The following SMPX variants were observed in gnomAD, a reference collection of about 807,000 sequenced individuals.
SMPX encodes the protein small muscular protein.
Under a neutral mutation model 6.3 loss-of-function variants are expected in SMPX, and 2 were observed. The observed-to-expected ratio is 0.32, with a 90% confidence interval of 0.13 to 0.99. SMPX has a LOEUF of 0.99. SMPX is among the 50% of genes least tolerant of loss of function. The pLI is 0.49. For missense variants in SMPX, 60 were observed against 66.8 expected (o/e 0.90, Z 0.36); for synonymous variants, 32 against 24.7 (o/e 1.30, Z -0.88).
rs1569307051 is a variant in SMPX, at chrX:21,733,879, C to G, written c.*14+3670G>C. 1.9e-5 allele frequency: 5 copies of G among 259,677 alleles called. No homozygotes were observed. The East Asian group carries it at 4.3e-4, about 22-fold the overall frequency. 21.4% of individuals were successfully genotyped at this position (259,677 alleles called of 1,213,427 possible). A position where few individuals can be genotyped will look rare whatever the true frequency, so the allele number is the denominator to read the frequency against. ...CTCACTAGACTGGTCTAATTATTAA[C>G]AATACCCTGGACACTCCATTTGTCC... On this transcript the variant is annotated intron_variant, in intron 4 of 4. Transcript: ENST00000379494.
chrX:21,745,551 T>A (rs1470393138), intron 2 of SMPX, among the ~76,000 whole-genome samples: 2 of 111,883 alleles, frequency 1.8e-5, no homozygotes, highest in Non-Finnish European at 3.8e-5. Context: ...GGATGAAATA[T>A]CATAGGGGCC....
chrX:21,720,554 C>T (rs2092790612), intron 4 of SMPX, among the ~76,000 whole-genome samples: 1 of 112,748 alleles, frequency 8.9e-6, no homozygotes, highest in South Asian at 3.7e-4. Context: ...ATACAGCTGC[C>T]TTAGCCCAAG....
chrX:21,725,665 T>C (rs1244715911), intron 4 of SMPX, among the ~76,000 whole-genome samples: 1 of 112,276 alleles, frequency 8.9e-6, no homozygotes, highest in Admixed American at 9.4e-5. Flanking sequence ...AAACTGGAAC[T>C]GCAATGCCTC....
chrX:21,735,510 ATT>A (rs201567486), intron 4 of SMPX, among the ~76,000 whole-genome samples: 2 of 111,011 alleles, frequency 1.8e-5, no homozygotes, highest in Non-Finnish European at 3.8e-5. Context: ...CATTTTCAAT[ATT>A]TGATTGAGTT....
chrX:21,745,470 A>C (rs2092820429), intron 2 of SMPX, among the ~76,000 whole-genome samples: 1 of 111,986 alleles, frequency 8.9e-6, no homozygotes, highest in African/African-American at 3.2e-5. Context: ...CTACAATTTT[A>C]GTTGGCACAT....
chrX:21,753,275 G>C (rs751051979), intron 2 of SMPX, among the ~76,000 whole-genome samples: 1 of 111,655 alleles, frequency 9.0e-6, no homozygotes, highest in Non-Finnish European at 1.9e-5. Context: ...TATTAGTCGT[G>C]ACAGGTAAAG....
At chrX:21,751,506 C>G (rs940705123) in intron 2 of SMPX, among the ~76,000 whole-genome samples, 1 of 112,103 alleles carries the variant, frequency 8.9e-6, no homozygotes, top group South Asian at 3.7e-4. Flanking sequence ...ACTAATTCTT[C>G]TCTTGATAGA....
rs747123979 is a variant in SMPX, at chrX:21,757,944, G to A, written c.-15C>T. On this transcript the variant is annotated splice_region_variant and 5_prime_UTR_variant, in exon 1 of 5. Transcript: ENST00000379494. The stretch of plus-strand genomic sequence containing the variant: ...CGGAGCTGCGTCCTTCTGCTTACCT[G>A]CTTTATGTATTTGTTTACTGCCTAA... The A allele has an allele frequency of 1.4e-4, 45 of 327,408 alleles. No individual in the cohort carries two copies. Among genetic ancestry groups the A allele is most frequent in the East Asian group, 9.8e-5 (1 of 10,233 alleles). The allele number at this position is 327,408 out of a possible 1,213,427, so 27.0% of individuals were successfully genotyped here. A position where few individuals can be genotyped will look rare whatever the true frequency, so the allele number is the denominator to read the frequency against.
At chrX:21,750,203 A>C (rs1303652882) in intron 2 of SMPX, among the ~76,000 whole-genome samples, 2 of 111,510 alleles carry the variant, frequency 1.8e-5, no homozygotes, top group East Asian at 5.6e-4. Context: ...AGCTTTCCCC[A>C]CCACCTGTCA....
In SMPX at chrX:21,706,170, A is replaced by T. The variant is rs2092772655; in HGVS notation, c.*239T>A. The T allele has an allele frequency of 3.9e-6, 2 of 511,456 alleles. No individual in the cohort carries two copies. The highest frequency in any genetic ancestry group is 7.2e-5 in the East Asian group (2 of 27,641). The allele number at this position is 511,456 out of a possible 1,213,427, so 42.1% of individuals were successfully genotyped here. A position where few individuals can be genotyped will look rare whatever the true frequency, so the allele number is the denominator to read the frequency against. On this transcript the variant is annotated 3_prime_UTR_variant, in exon 5 of 5. Transcript: ENST00000379494. Reference sequence around the variant, plus strand: ...AAATCATATCCCTCCTCAAAACCACACCCTCCAGGTGTTGAATTTATGGGC... The same window carrying T: ...AAATCATATCCCTCCTCAAAACCACTCCCTCCAGGTGTTGAATTTATGGGC...
chrX:21,706,836 G>A (rs1269627604), intron 4 of SMPX, among the ~76,000 whole-genome samples: 4 of 109,858 alleles, frequency 3.6e-5, no homozygotes, highest in South Asian at 8.0e-4. Flanking sequence ...GCTTTCCCCC[G>A]TTTTGCTCTG....
intron 2 of SMPX, among the ~76,000 whole-genome samples, chrX:21,747,487 T>C (rs1441186893): frequency 8.9e-6 from 1 of 111,889 alleles, no homozygotes; most frequent in South Asian, 3.7e-4. Flanking sequence ...AAGAATTCCC[T>C]GTAAATTAAT....
intron 3 of SMPX, among the ~76,000 whole-genome samples, chrX:21,738,754 A>G (rs187097944): frequency 2.2e-3 from 246 of 111,183 alleles, no homozygotes; most frequent in Middle Eastern, 0.014. Flanking sequence ...AGGAATTCTA[A>G]GGCGGGCCCA....
chrX:21,715,196 G>A (rs939841151), intron 4 of SMPX, among the ~76,000 whole-genome samples: 3 of 111,220 alleles, frequency 2.7e-5, no homozygotes, highest in African/African-American at 9.8e-5. Flanking sequence ...TTTATGGAAA[G>A]GAAGAAAGCA....
chrX:21,717,538 C>T (rs992525298), intron 4 of SMPX, among the ~76,000 whole-genome samples: 2 of 112,539 alleles, frequency 1.8e-5, no homozygotes, highest in African/African-American at 6.5e-5. Flanking sequence ...CTTAAATGGT[C>T]TTAAAAGTGG....
At chrX:21,746,392 ACT>A (rs1474020686) in intron 2 of SMPX, among the ~76,000 whole-genome samples, 3 of 111,273 alleles carry the variant, frequency 2.7e-5, no homozygotes, top group African/African-American at 9.8e-5. Context: ...AGACCTTCTC[ACT>A]CTCTCAAACC....
chrX:21,754,930 A>C (rs1307171496), intron 1 of SMPX, among the ~76,000 whole-genome samples: 1 of 112,602 alleles, frequency 8.9e-6, no homozygotes, highest in Non-Finnish European at 1.9e-5. Flanking sequence ...TACAGAGCCC[A>C]GGCTCTGTAA....
At chrX:21,715,303 T>TGCGCGCGC (rs1555971890) in intron 4 of SMPX, among the ~76,000 whole-genome samples, 6 of 86,079 alleles carry the variant, frequency 7.0e-5, no homozygotes, top group African/African-American at 3.0e-4. Flanking sequence ...TGTGTGTGTG[T>TGCGCGCGC]GCGCGCACGC....
Position 21,719,257 on chromosome X carries a change from C to T in SMPX, c.*15-12863G>A, listed in dbSNP as rs182214467. On this transcript the variant is annotated intron_variant, in intron 4 of 4. Coordinates refer to ENST00000379494, the MANE Select transcript of SMPX (RefSeq NM_014332.3). Reference sequence around the variant, plus strand: ...AAGAGAGGCCGGGCGCAGTGGCTCACGCCTGTAATCCCAGCACTTTGGGAT... The same window carrying T: ...AAGAGAGGCCGGGCGCAGTGGCTCATGCCTGTAATCCCAGCACTTTGGGAT... Among the ~76,000 whole-genome samples the T allele has an allele frequency of 9.0e-3, 1,008 of 111,803 alleles. 10 individuals carry two copies. The highest frequency in any genetic ancestry group is 0.031 in the African/African-American group (966 of 30,727).
Sources: gnomAD v4.1 joint callset for allele counts (sites outside exome capture counted in the v4.1 genomes callset) on GRCh38, gnomAD v4.1.1 for gene constraint, MANE v1.5 for transcripts, NCBI Gene and HGNC (gene_info 2026-07-23, HGNC 2026-07-21) for gene names.